The following TRIM9 variants were observed in gnomAD, a reference collection of about 807,000 sequenced individuals.
TRIM9 encodes the protein tripartite motif containing 9.
In TRIM9, 26 loss-of-function variants were observed where a neutral mutation model predicts 78.3. The ratio of observed to expected loss-of-function variants is 0.33; its 90% CI spans 0.24 to 0.46. TRIM9 has a LOEUF of 0.46. Among genes scored for constraint, TRIM9 ranks in the 20% least tolerant of loss-of-function variants. TRIM9 has a pLI of 1.00. For missense variants in TRIM9, 787 were observed against 1,036.4 expected (o/e 0.76, Z 3.30); for synonymous variants, 398 against 416.5 (o/e 0.96, Z 0.54).
intron 1 of TRIM9, among the ~76,000 whole-genome samples, chr14:51,086,151 T>C (rs2063731249): frequency 6.6e-6 from 1 of 152,228 alleles, no homozygotes; most frequent in Non-Finnish European, 1.5e-5. Context: ...TGTAAGTTCA[T>C]AAAACTGTGC....
intron 7 of TRIM9, among the ~76,000 whole-genome samples, chr14:50,995,797 C>T (rs1169863564): frequency 6.6e-6 from 1 of 152,056 alleles, no homozygotes; most frequent in African/African-American, 2.4e-5. Context: ...CTAAAGCAAA[C>T]CTTTCTGGAA....
intron 5 of TRIM9, among the ~76,000 whole-genome samples, chr14:51,001,940 C>A (rs1299300661): frequency 2.0e-5 from 3 of 152,182 alleles, no homozygotes; most frequent in Admixed American, 1.3e-4. Context: ...GTCTGTCATG[C>A]TGTTACGAGT....
intron 1 of TRIM9, among the ~76,000 whole-genome samples, chr14:51,037,658 T>A (rs2059263010): frequency 6.6e-6 from 1 of 151,986 alleles, no homozygotes; most frequent in African/African-American, 2.4e-5. Context: ...TAATTAATAA[T>A]GAAATTTATA....
intron 1 of TRIM9, among the ~76,000 whole-genome samples, chr14:51,037,727 A>G (rs2059270334): frequency 6.6e-6 from 1 of 152,096 alleles, no homozygotes; most frequent in Non-Finnish European, 1.5e-5. Flanking sequence ...ATTTTTTTTC[A>G]AGAACATGAA....
chr14:51,094,645 C>T lies in TRIM9; in HGVS notation c.295G>A (p.Val99Ile), dbSNP rs1447026513. ...GGCATAGCCGGGGGAAACACGCGGA[C>T]GCCGTTGGGGGACTTCTGGCACGGG... Reference protein sequence around the residue: ...TTPCQKSPNGVRVFPPAMPPP... With the variant: ...TTPCQKSPNGIRVFPPAMPPP... Residue 99 changes from valine (V) to isoleucine (I), a missense_variant, in exon 1 of 13, where the codon GTC (valine) becomes ATC (isoleucine). By Grantham distance (29) the Val-to-Ile change is conservative (BLOSUM62 3). Coordinates refer to ENST00000684578, the MANE Select transcript of TRIM9 (RefSeq NM_001387360.1). 6.2e-7 allele frequency: 1 copy of T among 1,604,836 alleles called. No homozygotes were observed. Among genetic ancestry groups the T allele is most frequent in the Admixed American group, 1.7e-5 (1 of 59,662 alleles).
intron 5 of TRIM9, 141 bp from the exon 6 acceptor site, chr14:51,000,981 A>G (rs1304245386): frequency 1.0e-5 from 10 of 988,394 alleles, no homozygotes; most frequent in African/African-American, 1.6e-5. Context: ...AGGATCCTTC[A>G]CAGAGTCCCC....
At chr14:51,045,164 G>A (rs2059858089) in intron 1 of TRIM9, among the ~76,000 whole-genome samples, 1 of 152,160 alleles carries the variant, frequency 6.6e-6, no homozygotes, top group Non-Finnish European at 1.5e-5. Context: ...CTGGTGAGCT[G>A]GCGTCTGTGA....
chr14:51,079,383 C>T (rs761410506), intron 1 of TRIM9, among the ~76,000 whole-genome samples: 8 of 152,192 alleles, frequency 5.3e-5, no homozygotes, highest in African/African-American at 1.9e-4. Context: ...TTCCTGCCCT[C>T]AATGTAAGTA....
In TRIM9 at chr14:51,013,654, G is replaced by A. The variant is rs139787567; in HGVS notation, c.1042-3160C>T. ...TGGAAAGATTATTTTTGTGAGTTTTGGGGGGATCAAATTTAAAATTCACTG... is the reference window on the plus strand; with the variant it reads ...TGGAAAGATTATTTTTGTGAGTTTTAGGGGGATCAAATTTAAAATTCACTG... On this transcript the variant is annotated intron_variant, in intron 3 of 12. Transcript: ENST00000684578. 3.7e-3 allele frequency among the ~76,000 whole-genome samples: 570 copies of A among 152,084 alleles called. 7 individuals are homozygous for A. The highest frequency in any genetic ancestry group is 3.5e-3 in the Non-Finnish European group (240 of 67,988).
chr14:51,017,367 A>T (rs904168682), intron 3 of TRIM9, among the ~76,000 whole-genome samples: 16 of 152,294 alleles, frequency 1.1e-4, no homozygotes, highest in African/African-American at 3.8e-4. Context: ...TAAAACACAC[A>T]CCTGTTTTTA....
chr14:50,982,138 C>G lies in TRIM9; in HGVS notation c.1859-35G>C, dbSNP rs371666425. ...ACAGAAGGGAATCAGGTTATTAAGA[C>G]AGACCCAACAAGCTCAGCACCATAA... On this transcript the variant is annotated intron_variant, in intron 10 of 12. Transcript: ENST00000684578. The G allele has an allele frequency of 3.9e-5, 62 of 1,605,820 alleles. 1 individual carries two copies. In the African/African-American group the frequency reaches 7.1e-4, roughly 18 times the overall value.
At chr14:51,087,486 A>T (rs2063870883) in intron 1 of TRIM9, among the ~76,000 whole-genome samples, 1 of 152,176 alleles carries the variant, frequency 6.6e-6, no homozygotes, top group Non-Finnish European at 1.5e-5. Flanking sequence ...GTCTCAGTTT[A>T]GGATAGGGGC....
chr14:51,061,216 C>T (rs1416542422), intron 1 of TRIM9, among the ~76,000 whole-genome samples: 1 of 151,980 alleles, frequency 6.6e-6, no homozygotes, highest in African/African-American at 2.4e-5. Context: ...AGTTTGAGAC[C>T]AGCCTGGCCA....
intron 1 of TRIM9, among the ~76,000 whole-genome samples, chr14:51,055,803 A>G (rs2060850915): frequency 6.6e-6 from 1 of 152,248 alleles, no homozygotes; most frequent in African/African-American, 2.4e-5. Flanking sequence ...CTGTTATGAC[A>G]GGGATAAGGA....
intron 1 of TRIM9, among the ~76,000 whole-genome samples, chr14:51,076,593 C>T (rs1186664562): frequency 2.0e-5 from 3 of 152,186 alleles, no homozygotes; most frequent in Admixed American, 1.3e-4. Flanking sequence ...TCCTCATCAC[C>T]ACCCTGGATC....
intron 1 of TRIM9, among the ~76,000 whole-genome samples, chr14:51,028,374 A>T (rs1177985092): frequency 5.9e-5 from 9 of 152,244 alleles, no homozygotes; most frequent in Non-Finnish European, 1.2e-4. Context: ...TCTTATTGTA[A>T]GGATTTATAT....
intron 1 of TRIM9, among the ~76,000 whole-genome samples, chr14:51,051,469 G>A (rs762367115): frequency 2.0e-5 from 3 of 152,196 alleles, no homozygotes; most frequent in Non-Finnish European, 4.4e-5. Context: ...GGGACAGGTC[G>A]GGTGAGGGCA....
intron 1 of TRIM9, among the ~76,000 whole-genome samples, chr14:51,060,053 A>C (rs529924116): frequency 6.6e-6 from 1 of 152,312 alleles, no homozygotes; most frequent in Non-Finnish European, 1.5e-5. Flanking sequence ...ATTCCACCAA[A>C]CTGGGAGTCA....
chr14:51,036,022 C>T (rs975436360), intron 1 of TRIM9, among the ~76,000 whole-genome samples: 2 of 152,216 alleles, frequency 1.3e-5, no homozygotes, highest in East Asian at 1.9e-4. Context: ...ATTCTATTGC[C>T]TCCAGCACTC....
Sources: allele counts gnomAD v4.1 joint callset (sites outside exome capture counted in the v4.1 genomes callset), GRCh38; gene constraint gnomAD v4.1.1; transcripts MANE v1.5; gene names NCBI Gene and HGNC (gene_info 2026-07-23, HGNC 2026-07-21).